The following CKAP5 variants were observed in gnomAD, a reference collection of about 807,000 sequenced individuals.
The protein encoded by CKAP5 is cytoskeleton-associated protein 5.
In CKAP5, 27 loss-of-function variants were observed where a neutral mutation model predicts 232.8. The ratio of observed to expected loss-of-function variants is 0.12; its 90% confidence interval spans 0.09 to 0.16. The LOEUF is 0.16. Ranked by LOEUF, CKAP5 falls within the 10% of genes least tolerant of loss-of-function variation. The pLI is 1.00. For missense variants in CKAP5, 1,838 were observed against 2,424.7 expected, an observed-to-expected ratio of 0.76 and a Z score of 5.08; for synonymous variants, 785 against 841.1, an observed-to-expected ratio of 0.93 and a Z score of 1.16.
At chr11:46,744,312 C>G (rs370935374) in intron 43 of CKAP5, 47 bp from the exon 44 acceptor site, 203 of 1,612,650 alleles carry the variant, frequency 1.3e-4, no homozygotes, top group Admixed American at 5.8e-4. Flanking sequence ...TCAAGCAGGT[C>G]AAGATGCAGC....
chr11:46,799,201 T>C (rs1239261331), intron 9 of CKAP5, among the ~76,000 whole-genome samples: 2 of 152,140 alleles, frequency 1.3e-5, no homozygotes, highest in African/African-American at 4.8e-5. Context: ...ACCATTTCCC[T>C]GTAAATATAA....
Position 46,744,078 on chromosome 11 carries a change from G to C in CKAP5, c.6044C>G (p.Ala2015Gly). Reference protein sequence around the residue: ...SGTVTSSSSTANIDDLKKRLE... With the variant: ...SGTVTSSSSTGNIDDLKKRLE... ...TCTTTTTTTCAAGTCGTCTATGTTAGCTGTGGAGGAGGAGGAGGTCACAGT... is the reference window on the plus strand; with the variant it reads ...TCTTTTTTTCAAGTCGTCTATGTTACCTGTGGAGGAGGAGGAGGTCACAGT... Residue 2015 changes from alanine (A) to glycine (G), a missense_variant, in exon 44 of 44, where the codon GCT becomes GGT. Ala to Gly is a moderately conservative substitution (Grantham distance 60, BLOSUM62 0). This residue lies in a region of CKAP5 where 62 missense variants were observed against 61.1 expected (regional missense o/e 1.01). Transcript: ENST00000529230. 1 of 1,613,868 alleles carries C rather than the reference G, an allele frequency of 6.2e-7. No homozygotes were observed. The highest frequency in any genetic ancestry group is 8.5e-7 in the Non-Finnish European group (1 of 1,180,004).
intron 18 of CKAP5, among the ~76,000 whole-genome samples, chr11:46,781,462 C>A (rs1797440100): frequency 6.6e-6 from 1 of 152,120 alleles, no homozygotes; most frequent in South Asian, 2.1e-4. Context: ...CCAACTTATT[C>A]AAAATGTTGA....
At chr11:46,785,822 G>A (rs1232120108) in intron 16 of CKAP5, among the ~76,000 whole-genome samples, 1 of 152,118 alleles carries the variant, frequency 6.6e-6, no homozygotes, top group Non-Finnish European at 1.5e-5. Context: ...GCCCTCGCCT[G>A]TAGTCCCAGC....
intron 9 of CKAP5, among the ~76,000 whole-genome samples, chr11:46,799,948 CTG>C (rs1450118654): frequency 1.3e-5 from 2 of 151,850 alleles, no homozygotes; most frequent in African/African-American, 4.8e-5. Flanking sequence ...CTGCAGTGAA[CTG>C]AGATGGTGCC....
intron 1 of CKAP5, 63 bp from the exon 2 acceptor site, chr11:46,821,331 T>TAG (rs1490229476): frequency 1.4e-6 from 1 of 720,692 alleles, no homozygotes; most frequent in Non-Finnish European, 2.3e-6. Context: ...AAAAATAACT[T>TAG]TTCTGAGATT....
At chr11:46,834,171 T>C (rs1592490896) in intron 1 of CKAP5, among the ~76,000 whole-genome samples, 1 of 152,130 alleles carries the variant, frequency 6.6e-6, no homozygotes, top group East Asian at 1.9e-4. Context: ...ATTGAGAGAT[T>C]TTAGGTTGAT....
At chr11:46,783,920 G>T (rs1200014602) in intron 17 of CKAP5, among the ~76,000 whole-genome samples, 1 of 151,672 alleles carries the variant, frequency 6.6e-6, no homozygotes, top group African/African-American at 2.4e-5. Context: ...TGGCCAGGCT[G>T]CTCTCAAACT....
intron 1 of CKAP5, among the ~76,000 whole-genome samples, chr11:46,829,837 TATGTGTGTG>T (rs748310580): frequency 2.4e-5 from 2 of 84,628 alleles, no homozygotes; most frequent in Non-Finnish European, 5.6e-5. Context: ...TCCTTTTTTG[TATGTGTGTG>T]TGTGTGTGTG....
At chr11:46,824,818 C>G (rs1021789111) in intron 1 of CKAP5, among the ~76,000 whole-genome samples, 1 of 151,988 alleles carries the variant, frequency 6.6e-6, no homozygotes, top group Non-Finnish European at 1.5e-5. Context: ...GAGTTTGATG[C>G]CTAAAGAGCA....
At chr11:46,797,030 A>C in intron 11 of CKAP5, 90 bp from the exon 12 acceptor site, 1 of 1,453,748 alleles carries the variant, frequency 6.9e-7, no homozygotes, top group East Asian at 2.4e-5. Flanking sequence ...CTAGATAAAG[A>C]ATTTGCTTTT....
At chr11:46,836,107 C>T (rs1450024271) in intron 1 of CKAP5, among the ~76,000 whole-genome samples, 2 of 152,132 alleles carry the variant, frequency 1.3e-5, no homozygotes, top group Non-Finnish European at 2.9e-5. Context: ...TTGCCAAAGA[C>T]CAGAGAAGGC....
chr11:46,812,546 T>C (rs1939301350), intron 4 of CKAP5, among the ~76,000 whole-genome samples: 2 of 152,258 alleles, frequency 1.3e-5, no homozygotes, highest in African/African-American at 4.8e-5. Flanking sequence ...ATCTATTATC[T>C]AATGTGCACA....
In CKAP5 at chr11:46,771,050, T is replaced by C. The variant is rs887054392; in HGVS notation, c.2992-68A>G. The C allele has an allele frequency of 2.4e-5, 33 of 1,374,786 alleles. No individual in the cohort carries two copies. In the South Asian group the frequency reaches 3.4e-4, roughly 14 times the overall value. 85.2% of individuals were successfully genotyped at this position (1,374,786 alleles called of 1,614,324 possible). Reference sequence around the variant, plus strand: ...ACTGTTATCATTTATGATCTCAGGCTTACTGATTTCATTAGTCTCAAGCAC... The same window carrying C: ...ACTGTTATCATTTATGATCTCAGGCCTACTGATTTCATTAGTCTCAAGCAC... On this transcript the variant is annotated intron_variant, in intron 24 of 43. Transcript: ENST00000529230.
At chr11:46,840,013 C>G (rs1592494656) in intron 1 of CKAP5, among the ~76,000 whole-genome samples, 1 of 152,098 alleles carries the variant, frequency 6.6e-6, no homozygotes, top group East Asian at 1.9e-4. Context: ...GTAGGCCCAC[C>G]TACTTGGGAG....
chr11:46,830,544 T>A (rs1248520680), intron 1 of CKAP5, among the ~76,000 whole-genome samples: 1 of 151,790 alleles, frequency 6.6e-6, no homozygotes, highest in African/African-American at 2.4e-5. Context: ...AAGGAACAGA[T>A]TCTTTCCTAG....
intron 23 of CKAP5, 82 bp from the exon 24 acceptor site, chr11:46,776,465 G>C: frequency 4.4e-6 from 5 of 1,138,618 alleles, no homozygotes; most frequent in Non-Finnish European, 6.0e-6. Flanking sequence ...TTATGAACAT[G>C]AACAATGGAG....
rs535667831 is a variant in CKAP5 at position 46,774,896 on chromosome 11, A to T, written c.2991+1359T>A. On this transcript the variant is annotated intron_variant, in intron 24 of 43. Coordinates refer to ENST00000529230, the MANE Select transcript of CKAP5 (RefSeq NM_001008938.4). Reference sequence around the variant, plus strand: ...TAAACCATAAAAACCCTAGAAGAAAACCTAGAATACCATTCAGGACATAGG... The same window carrying T: ...TAAACCATAAAAACCCTAGAAGAAATCCTAGAATACCATTCAGGACATAGG... 4.6e-5 allele frequency among the ~76,000 whole-genome samples: 7 copies of T among 152,274 alleles called. No homozygotes were observed. The South Asian group carries it at 1.2e-3, about 27-fold the overall frequency.
At chr11:46,749,876 G>A (rs906292510) in intron 42 of CKAP5, among the ~76,000 whole-genome samples, 5 of 150,110 alleles carry the variant, frequency 3.3e-5, no homozygotes, top group Admixed American at 2.7e-4. Context: ...GCTTGAACCC[G>A]AGATTGCACC....
Sources: allele counts gnomAD v4.1 joint callset (sites outside exome capture counted in the v4.1 genomes callset), GRCh38; gene constraint gnomAD v4.1.1; regional missense constraint gnomAD v4.1.1; transcripts MANE v1.5; gene names NCBI Gene and HGNC (gene_info 2026-07-23, HGNC 2026-07-21).